ZNF532: variants seen among roughly 807,000 people sequenced by gnomAD.
ZNF532 encodes the protein zinc finger protein 532.
Under a neutral mutation model 89.3 loss-of-function variants are expected in ZNF532, and 22 were observed. The observed-to-expected ratio is 0.25, with a 90% confidence interval of 0.18 to 0.35. The LOEUF (loss-of-function observed/expected upper bound fraction) is 0.35, where lower values mean the gene tolerates loss of function less well. ZNF532 is among the 10% of genes least tolerant of loss of function. ZNF532 has a pLI of 1.00. For missense variants in ZNF532, 1,132 were observed against 1,643.4 expected (o/e 0.69, Z 5.38); for synonymous variants, 606 against 649.6 (o/e 0.93, Z 1.02).
chr18:58,967,534 A>C (rs1603310855), intron 7 of ZNF532, among the ~76,000 whole-genome samples: 4 of 149,304 alleles, frequency 2.7e-5, no homozygotes, highest in South Asian at 2.1e-4. Context: ...CTTCATCCCC[A>C]CCCTGCCCCC....
intron 6 of ZNF532, among the ~76,000 whole-genome samples, chr18:58,951,929 G>A (rs564829818): frequency 7.9e-4 from 120 of 152,220 alleles, no homozygotes; most frequent in African/African-American, 1.5e-3. Flanking sequence ...GATTACAGGC[G>A]TGAGCCACTG....
chr18:58,880,952 ATTCTC>A (rs1386171486), intron 2 of ZNF532, among the ~76,000 whole-genome samples: 3 of 152,186 alleles, frequency 2.0e-5, no homozygotes, highest in African/African-American at 7.2e-5. Flanking sequence ...TTTTAAAAAA[ATTCTC>A]TTCTAATCTT....
Position 58,888,859 on chromosome 18 carries a change from T to TA in ZNF532, c.-18+23281dup, listed in dbSNP as rs1568248347. Reference sequence around the variant, plus strand: ...ATATAATTTATATATATATAATTTATATATATATAATATATATTATATATA... The same window carrying TA: ...ATATAATTTATATATATATAATTTATAATATATATAATATATATTATATATA... On this transcript the variant is annotated intron_variant, in intron 2 of 9. Transcript: ENST00000591808. Among the ~76,000 whole-genome samples, 4 of 46,924 alleles carry TA rather than the reference T, an allele frequency of 8.5e-5. 1 individual carries two copies. Among genetic ancestry groups the TA allele is most frequent in the Non-Finnish European group, 1.3e-4 (4 of 30,332 alleles). 30.8% of individuals were successfully genotyped at this position (46,924 alleles called of 152,430 possible).
intron 7 of ZNF532, among the ~76,000 whole-genome samples, chr18:58,964,791 G>T (rs189761795): frequency 3.3e-5 from 5 of 151,780 alleles, no homozygotes; most frequent in Admixed American, 6.6e-5. Context: ...GGAGTTCGGG[G>T]TAGAGGGAGT....
intron 5 of ZNF532, among the ~76,000 whole-genome samples, chr18:58,947,510 TTC>T (rs961945997): frequency 2.0e-5 from 3 of 152,242 alleles, no homozygotes; most frequent in African/African-American, 7.2e-5. Context: ...CGATTTTATT[TTC>T]TGTTTCTTGA....
intron 2 of ZNF532, among the ~76,000 whole-genome samples, chr18:58,866,623 C>T (rs2056485519): frequency 6.6e-6 from 1 of 152,162 alleles, no homozygotes; most frequent in African/African-American, 2.4e-5. Flanking sequence ...CATTTTGTTC[C>T]TCTCCGTGTT....
Position 58,979,186 on chromosome 18 carries a change from C to T in ZNF532, c.3263+19C>T, listed in dbSNP as rs375033980. ...CCTGCTCGTAAGTCCTGGTTTCTAA[C>T]GGAACGCAGTGAGAGGACTCAGGAG... On this transcript the variant is annotated intron_variant, in intron 8 of 9. Transcript: ENST00000591808. 5.9e-5 allele frequency: 95 copies of T among 1,598,022 alleles called. No individual in the cohort carries two copies. Among genetic ancestry groups the T allele is most frequent in the African/African-American group, 3.9e-4 (29 of 74,800 alleles).
chr18:58,876,956 A>AG (rs1447595153), intron 2 of ZNF532, among the ~76,000 whole-genome samples: 1 of 152,166 alleles, frequency 6.6e-6, no homozygotes, highest in African/African-American at 2.4e-5. Context: ...GCTACTTAGG[A>AG]GACTGAGGCA....
intron 2 of ZNF532, among the ~76,000 whole-genome samples, chr18:58,905,522 C>G (rs1188102253): frequency 6.6e-6 from 1 of 151,762 alleles, no homozygotes; most frequent in Non-Finnish European, 1.5e-5. Flanking sequence ...ACTCCAGCAT[C>G]TGGAGTAGCT....
intron 2 of ZNF532, among the ~76,000 whole-genome samples, chr18:58,868,576 G>A (rs574998989): frequency 2.2e-4 from 33 of 152,302 alleles, no homozygotes; most frequent in African/African-American, 7.7e-4. Context: ...ATAGCAAGAT[G>A]CGTTTCAGAT....
At chr18:58,957,365 T>TTGAA (rs10637024) in intron 7 of ZNF532, among the ~76,000 whole-genome samples, 82,992 of 148,186 alleles carry the variant, frequency 0.56, 24,031 homozygotes, top group African/African-American at 0.7. Flanking sequence ...CCAGTGAACT[T>TTGAA]TGTATACTTG....
chr18:58,984,190 C>T lies in ZNF532; in HGVS notation c.3630C>T (p.Leu1210=), dbSNP rs746953338. The T allele has an allele frequency of 8.1e-6, 13 of 1,611,958 alleles. No homozygotes were observed. In the Admixed American group the frequency reaches 8.3e-5, roughly 10 times the overall value. ...GSSYQCRECG[L]CYTSHVSLSR... ...CCTACCAGTGCCGGGAGTGTGGCCT[C>T]TGCTACACGTCTCACGTCTCTCTGT... Residue 1210 remains leucine (L), a synonymous_variant, in exon 10 of 10, where the codon CTC becomes CTT. Transcript: ENST00000591808.
chr18:58,978,420 CTTAG>C (rs1040870418), intron 7 of ZNF532, among the ~76,000 whole-genome samples: 7 of 152,090 alleles, frequency 4.6e-5, no homozygotes, highest in African/African-American at 1.7e-4. Flanking sequence ...AGTGGCTTTA[CTTAG>C]TATTTACTGA....
intron 2 of ZNF532, among the ~76,000 whole-genome samples, chr18:58,878,399 C>T (rs1293104023): frequency 3.3e-5 from 5 of 152,208 alleles, no homozygotes; most frequent in Admixed American, 3.3e-4. Context: ...TGGCCATGCA[C>T]AAGTGCATGA....
At chr18:58,937,488 A>G (rs889616839) in intron 4 of ZNF532, among the ~76,000 whole-genome samples, 7 of 152,134 alleles carry the variant, frequency 4.6e-5, no homozygotes, top group Admixed American at 1.3e-4. Flanking sequence ...TTTATTTTAG[A>G]TACTTCCTTT....
chr18:58,871,437 A>G (rs1421072968), intron 2 of ZNF532, among the ~76,000 whole-genome samples: 1 of 152,156 alleles, frequency 6.6e-6, no homozygotes, highest in Admixed American at 6.6e-5. Context: ...GGAGCTGTAC[A>G]TGTTTTTCCC....
In ZNF532 at chr18:58,954,548, CG is replaced by C. The variant is rs559971777; in HGVS notation, c.3150+750del. ...GGTTGTTGTGTAATTCTTTATTTTA[CG>C]TAGTCCTCCTTTCATTTTATTTTTT... is the stretch of plus-strand genomic sequence containing the variant. On this transcript the variant is annotated intron_variant, in intron 7 of 9. Coordinates refer to ENST00000591808, the MANE Select transcript of ZNF532 (RefSeq NM_001375912.1). Among the ~76,000 whole-genome samples, 16 of 151,950 alleles carry C rather than the reference CG, an allele frequency of 1.1e-4. No individual in the cohort carries two copies. The East Asian group carries it at 3.1e-3, about 29-fold the overall frequency.
rs1466922205 is a variant in ZNF532, at chr18:58,888,895, A to T, written c.-18+23316A>T. On this transcript the variant is annotated intron_variant, in intron 2 of 9. Coordinates refer to ENST00000591808, the MANE Select transcript of ZNF532 (RefSeq NM_001375912.1). Reference sequence around the variant, plus strand: ...TATATATTATATATATATATTTTATATATATATATATATATATAATTCATA... The same window carrying T: ...TATATATTATATATATATATTTTATTTATATATATATATATATAATTCATA... 4.8e-4 allele frequency among the ~76,000 whole-genome samples: 31 copies of T among 64,720 alleles called. 4 individuals carry two copies. The highest frequency in any genetic ancestry group is 2.1e-3 in the African/African-American group (31 of 14,516). The allele number at this position is 64,720 out of a possible 152,430, so 42.5% of individuals were successfully genotyped here.
At chr18:58,905,784 A>G (rs868503892) in intron 2 of ZNF532, among the ~76,000 whole-genome samples, 3 of 152,092 alleles carry the variant, frequency 2.0e-5, no homozygotes, top group East Asian at 1.9e-4. Context: ...GTTTTTACCT[A>G]TTGTCCTTTT....
Sources: allele counts gnomAD v4.1 joint callset (sites outside exome capture counted in the v4.1 genomes callset), GRCh38; gene constraint gnomAD v4.1.1; transcripts MANE v1.5; gene names NCBI Gene and HGNC (gene_info 2026-07-23, HGNC 2026-07-21).